ANP32A: variants seen among roughly 807,000 people sequenced by gnomAD.
The protein encoded by ANP32A is acidic leucine-rich nuclear phosphoprotein 32 family member A.
In ANP32A, 1 loss-of-function variant was observed where a neutral mutation model predicts 33.9. The observed-to-expected ratio is 0.03, with a 90% confidence interval of 0.01 to 0.14. ANP32A has a LOEUF of 0.14. ANP32A is among the 10% of genes least tolerant of loss of function. The pLI is 1.00. For synonymous variants in ANP32A, 115 were observed against 120.5 expected (o/e 0.95, Z 0.30); for missense variants, 155 against 306.0 (o/e 0.51, Z 3.68).
At chr15:68,795,852 C>A (rs532936139) in intron 1 of ANP32A, among the ~76,000 whole-genome samples, 1 of 152,162 alleles carries the variant, frequency 6.6e-6, no homozygotes, top group Non-Finnish European at 1.5e-5. Flanking sequence ...TTCTACCTCC[C>A]GCAGGAAGCC....
At chr15:68,801,614 G>C (rs945911909) in intron 1 of ANP32A, among the ~76,000 whole-genome samples, 2 of 152,142 alleles carry the variant, frequency 1.3e-5, no homozygotes, top group Non-Finnish European at 2.9e-5. Flanking sequence ...AGAAAGCAGA[G>C]GTGAGGTATT....
At chr15:68,799,158 G>A (rs1411886756) in intron 1 of ANP32A, among the ~76,000 whole-genome samples, 1 of 152,222 alleles carries the variant, frequency 6.6e-6, no homozygotes, top group African/African-American at 2.4e-5. Flanking sequence ...TGCAAGAAAT[G>A]CTAGCAGTAT....
At chr15:68,817,309 G>C (rs1894396044) in intron 1 of ANP32A, 1 of 152,314 alleles carries the variant, frequency 6.6e-6, no homozygotes, top group African/African-American at 2.4e-5. Context: ...GAAGGAGCAG[G>C]TTTAGACCGA....
intron 1 of ANP32A, among the ~76,000 whole-genome samples, chr15:68,797,553 G>A (rs529979983): frequency 6.6e-6 from 1 of 152,264 alleles, no homozygotes; most frequent in African/African-American, 2.4e-5. Context: ...GGGATCAAGT[G>A]CAAATCCAGA....
chr15:68,783,916 T>C (rs555687734), intron 4 of ANP32A, among the ~76,000 whole-genome samples: 1 of 152,234 alleles, frequency 6.6e-6, no homozygotes, highest in South Asian at 2.1e-4. Flanking sequence ...TCCTCTCCAC[T>C]ACTGAATACC....
chr15:68,800,637 C>T (rs1160600428), intron 1 of ANP32A, among the ~76,000 whole-genome samples: 2 of 107,374 alleles, frequency 1.9e-5, no homozygotes, highest in South Asian at 3.3e-4. Context: ...CCAGCTACTC[C>T]GGAGGCTGAG....
chr15:68,803,289 C>T (rs948792990), intron 1 of ANP32A, among the ~76,000 whole-genome samples: 1 of 152,182 alleles, frequency 6.6e-6, no homozygotes, highest in African/African-American at 2.4e-5. Flanking sequence ...CCACACAAAG[C>T]TCATGGCAGA....
At chr15:68,817,908 C>A (rs1188767945) in intron 1 of ANP32A, among the ~76,000 whole-genome samples, 2 of 152,174 alleles carry the variant, frequency 1.3e-5, no homozygotes, top group African/African-American at 4.8e-5. Flanking sequence ...ACAACAGCCA[C>A]GGTGACAAAA....
At chr15:68,783,194 C>T (rs1893891684) in intron 4 of ANP32A, 141 bp from the exon 5 acceptor site, 1 of 1,316,688 alleles carries the variant, frequency 7.6e-7, no homozygotes. Context: ...ATGGAACACA[C>T]TAACTCTCAT....
chr15:68,807,679 T>C lies in ANP32A; in HGVS notation c.54+13019A>G, dbSNP rs554346774. ...TACAACCCATACCTGGCATAAACGATATTTCTTTCCGTGCTAACAACAAGC... is the reference window on the plus strand; with the variant it reads ...TACAACCCATACCTGGCATAAACGACATTTCTTTCCGTGCTAACAACAAGC... On this transcript the variant is annotated intron_variant, in intron 1 of 6. Transcript: ENST00000465139. Among the ~76,000 whole-genome samples the C allele has an allele frequency of 3.7e-4, 57 of 152,006 alleles. 1 individual carries two copies. Among genetic ancestry groups the C allele is most frequent in the African/African-American group, 1.4e-3 (57 of 41,412 alleles).
intron 1 of ANP32A, 74 bp downstream of exon 1, chr15:68,820,624 C>T (rs1260376204): frequency 1.0e-6 from 1 of 955,684 alleles, no homozygotes; most frequent in Non-Finnish European, 1.4e-6. Flanking sequence ...AGTGCCTCCC[C>T]CCAGCGCGCA....
intron 1 of ANP32A, among the ~76,000 whole-genome samples, chr15:68,799,625 C>T (rs1260578545): frequency 6.6e-6 from 1 of 152,166 alleles, no homozygotes; most frequent in African/African-American, 2.4e-5. Flanking sequence ...TGGCAGCCAA[C>T]ACAGATGAGC....
At chr15:68,801,519 A>G (rs576747690) in intron 1 of ANP32A, among the ~76,000 whole-genome samples, 4 of 152,206 alleles carry the variant, frequency 2.6e-5, no homozygotes, top group African/African-American at 9.6e-5. Context: ...ATGGGACCCA[A>G]TGAGATCATG....
chr15:68,791,962 C>G (rs1249735217), intron 1 of ANP32A: 1 of 152,794 alleles, frequency 6.5e-6, no homozygotes, highest in African/African-American at 2.4e-5. Flanking sequence ...ATTCCCTTCC[C>G]TGCCTGCCTC....
chr15:68,818,031 C>T (rs1476538059), intron 1 of ANP32A, among the ~76,000 whole-genome samples: 1 of 151,976 alleles, frequency 6.6e-6, no homozygotes, highest in African/African-American at 2.4e-5. Flanking sequence ...TGGGCCTAGC[C>T]GTTAAAAAAA....
chr15:68,794,396 T>C (rs1894036795), intron 1 of ANP32A, among the ~76,000 whole-genome samples: 1 of 152,236 alleles, frequency 6.6e-6, no homozygotes. Flanking sequence ...CTGACCACCC[T>C]TGATTTTCTT....
At position 68,800,378 on chromosome 15, in the gene ANP32A, G is replaced by A. The variant is rs140802662; in HGVS notation, c.55-12459C>T. Among the ~76,000 whole-genome samples, 732 of 152,026 alleles carry A rather than the reference G, an allele frequency of 4.8e-3. 4 individuals are homozygous for A. The highest frequency in any genetic ancestry group is 0.017 in the African/African-American group (692 of 41,446). On this transcript the variant is annotated intron_variant, in intron 1 of 6. Transcript: ENST00000465139. Reference sequence around the variant, plus strand: ...CTCACAGATCTACATTCTAGCAGGGGAGCCAAAGAATAAACCAATAAATGT... The same window carrying A: ...CTCACAGATCTACATTCTAGCAGGGAAGCCAAAGAATAAACCAATAAATGT...
chr15:68,803,992 G>C (rs1894177379), intron 1 of ANP32A, among the ~76,000 whole-genome samples: 1 of 151,700 alleles, frequency 6.6e-6, no homozygotes, highest in African/African-American at 2.4e-5. Context: ...AGTAGACATG[G>C]GGTTTCACTG....
At chr15:68,814,880 C>G (rs1041138841) in intron 1 of ANP32A, among the ~76,000 whole-genome samples, 3 of 152,204 alleles carry the variant, frequency 2.0e-5, no homozygotes, top group Non-Finnish European at 4.4e-5. Flanking sequence ...AGCCTCAAAG[C>G]TCTAACCGTT....
Sources: allele counts gnomAD v4.1 joint callset (sites outside exome capture counted in the v4.1 genomes callset), GRCh38; gene constraint gnomAD v4.1.1; transcripts MANE v1.5; gene names NCBI Gene and HGNC (gene_info 2026-07-23, HGNC 2026-07-21).